TASP1: variants seen among roughly 807,000 people sequenced by gnomAD.
TASP1 encodes the protein taspase 1, also known as threonine aspartase 1.
Under a neutral mutation model 56.6 loss-of-function variants are expected in TASP1, and 16 were observed. That is an observed-to-expected ratio of 0.28 (90% CI 0.19 to 0.43). The LOEUF (loss-of-function observed/expected upper bound fraction) is 0.43, where lower values mean the gene tolerates loss of function less well. Ranked by LOEUF, TASP1 falls within the 20% of genes least tolerant of loss-of-function variation. The pLI, the probability that TASP1 is intolerant of heterozygous loss-of-function variation, is 1.00. For synonymous variants in TASP1, 179 were observed against 184.2 expected (o/e 0.97, Z 0.23); for missense variants, 393 against 511.6 (o/e 0.77, Z 2.24).
chr20:13,483,007 C>T (rs2043192572), intron 11 of TASP1, among the ~76,000 whole-genome samples: 1 of 152,142 alleles, frequency 6.6e-6, no homozygotes, highest in Admixed American at 6.5e-5. Context: ...TTGTCAGTGT[C>T]TTACAGCTTG....
chr20:13,528,219 C>CAAAA (rs397942980), intron 10 of TASP1, among the ~76,000 whole-genome samples: 54 of 54,316 alleles, frequency 9.9e-4, no homozygotes, highest in East Asian at 1.3e-3. Flanking sequence ...GACTCTGACT[C>CAAAA]AAAAAAAAAA....
At chr20:13,435,178 AT>A in intron 11 of TASP1, 24 bp from the exon 12 acceptor site, 1 of 1,490,544 alleles carries the variant, frequency 6.7e-7, no homozygotes, top group Non-Finnish European at 9.1e-7. Context: ...ACTAGTAGTT[AT>A]TTTTCAGTGA....
At chr20:13,566,734 C>A (rs184548884) in intron 7 of TASP1, among the ~76,000 whole-genome samples, 1 of 152,222 alleles carries the variant, frequency 6.6e-6, no homozygotes, top group East Asian at 1.9e-4. Flanking sequence ...CAATGAGATA[C>A]TATCTCACAC....
At chr20:13,543,817 T>C (rs1485373893) in intron 8 of TASP1, among the ~76,000 whole-genome samples, 1 of 152,202 alleles carries the variant, frequency 6.6e-6, no homozygotes, top group South Asian at 2.1e-4. Context: ...TCAAACTTTG[T>C]TCCTTCTGAA....
At chr20:13,596,371 T>TAAAAAAAA (rs35818842) in intron 4 of TASP1, among the ~76,000 whole-genome samples, 1 of 138,672 alleles carries the variant, frequency 7.2e-6, no homozygotes. Flanking sequence ...GTGAAACTCG[T>TAAAAAAAA]AAAAAAAAAA....
chr20:13,534,260 G>T, intron 8 of TASP1, 119 bp from the exon 9 acceptor site: 1 of 1,228,890 alleles, frequency 8.1e-7, no homozygotes, highest in Non-Finnish European at 1.1e-6. Context: ...TCCCTAAGTG[G>T]AACATTGAGC....
chr20:13,283,093 T>C, the TASP1 span, among the ~76,000 whole-genome samples: 1 of 152,264 alleles, frequency 6.6e-6, no homozygotes, highest in East Asian at 1.9e-4. Context: ...CAGGCTGGAG[T>C]GCAGTGGTGC....
chr20:13,631,708 A>G (rs2049091756), intron 1 of TASP1, among the ~76,000 whole-genome samples: 1 of 152,258 alleles, frequency 6.6e-6, no homozygotes, highest in Non-Finnish European at 1.5e-5. Flanking sequence ...AACCTCAAGC[A>G]ACTTTGAATC....
the TASP1 span, among the ~76,000 whole-genome samples, chr20:13,348,132 A>G: frequency 6.6e-6 from 1 of 152,172 alleles, no homozygotes; most frequent in Admixed American, 6.5e-5. Context: ...AATACCCTAC[A>G]ATGCATCATC....
intron 13 of TASP1, among the ~76,000 whole-genome samples, chr20:13,392,424 G>A (rs1325035512): frequency 6.6e-6 from 1 of 152,128 alleles, no homozygotes; most frequent in East Asian, 1.9e-4. Context: ...TCCAGTCTTG[G>A]TTTTGAATCT....
chr20:13,294,992 G>C, the TASP1 span, among the ~76,000 whole-genome samples: 7 of 152,202 alleles, frequency 4.6e-5, no homozygotes, highest in East Asian at 9.7e-4. Context: ...GAGTTCATAA[G>C]ACATGCCCAA....
At chr20:13,304,258 C>G in the TASP1 span, among the ~76,000 whole-genome samples, 1 of 152,146 alleles carries the variant, frequency 6.6e-6, no homozygotes, top group African/African-American at 2.4e-5. Flanking sequence ...GCAGAGATGG[C>G]TGCATGAGCA....
At chr20:13,283,137 C>T in the TASP1 span, among the ~76,000 whole-genome samples, 584 of 152,262 alleles carry the variant, frequency 3.8e-3, 1 homozygote, top group African/African-American at 0.013. Context: ...AACTCCTGGG[C>T]TCAAGCAGTC....
At chr20:13,374,483 G>A in the TASP1 span, among the ~76,000 whole-genome samples, 1 of 151,926 alleles carries the variant, frequency 6.6e-6, no homozygotes, top group African/African-American at 2.4e-5. Flanking sequence ...CGAGTAACTG[G>A]GACTACAGGC....
downstream of TASP1, among the ~76,000 whole-genome samples, chr20:13,388,396 TA>T (rs567771527): frequency 8.0e-5 from 12 of 149,414 alleles, no homozygotes; most frequent in South Asian, 2.1e-4. Context: ...CAATATTCCT[TA>T]AAAAAAAAAT....
intron 9 of TASP1, among the ~76,000 whole-genome samples, chr20:13,529,104 G>A (rs1019725013): frequency 1.3e-5 from 2 of 152,004 alleles, no homozygotes; most frequent in Non-Finnish European, 2.9e-5. Flanking sequence ...TGTACCAAAG[G>A]GCCCAATATA....
At chr20:13,458,788 A>G (rs1481474080) in intron 11 of TASP1, among the ~76,000 whole-genome samples, 1 of 152,160 alleles carries the variant, frequency 6.6e-6, no homozygotes, top group African/African-American at 2.4e-5. Context: ...GCTCAGCGAA[A>G]AAACAACTGA....
the TASP1 span, chr20:13,288,582 G>T: frequency 6.2e-7 from 1 of 1,613,980 alleles, no homozygotes; most frequent in Non-Finnish European, 8.5e-7. Context: ...TGGTCTGTCT[G>T]CAGCGTCACC....
At chr20:13,477,032 A>T (rs2042972811) in intron 11 of TASP1, among the ~76,000 whole-genome samples, 1 of 152,184 alleles carries the variant, frequency 6.6e-6, no homozygotes, top group Non-Finnish European at 1.5e-5. Context: ...TATTTTTTAA[A>T]TATTCTAAAT....
Sources: allele counts gnomAD v4.1 joint callset (sites outside exome capture counted in the v4.1 genomes callset), GRCh38; gene constraint gnomAD v4.1.1; transcripts MANE v1.5; gene names NCBI Gene and HGNC (gene_info 2026-07-23, HGNC 2026-07-21).